The following SANBR variants were observed in gnomAD, a reference collection of about 807,000 sequenced individuals.
SANBR encodes the protein SANT and BTB domain regulator of class switch recombination.
SANBR carries 77 observed loss-of-function variants against 101.8 expected under a neutral mutation model. The observed-to-expected ratio is 0.76, with a 90% CI of 0.63 to 0.91. SANBR has a LOEUF of 0.91. Among genes scored for constraint, SANBR ranks in the 40% least tolerant of loss-of-function variants. The pLI is 0.00. For missense variants in SANBR, 875 were observed against 853.0 expected (o/e 1.03, Z -0.32); for synonymous variants, 279 against 274.7 (o/e 1.02, Z -0.15).
chr2:61,136,970 AAACAACAAC>A (rs141096218), intron 21 of SANBR, among the ~76,000 whole-genome samples: 3 of 151,408 alleles, frequency 2.0e-5, no homozygotes, highest in Admixed American at 6.6e-5. Context: ...ACTGTCTCCA[AAACAACAAC>A]AACAACAACA....
intron 17 of SANBR, among the ~76,000 whole-genome samples, chr2:61,116,856 C>G (rs1684099958): frequency 6.6e-6 from 1 of 151,952 alleles, no homozygotes; most frequent in Non-Finnish European, 1.5e-5. Flanking sequence ...AGTTTGAGAC[C>G]AGCCTGGGCA....
At chr2:61,119,347 A>G (rs950328132) in intron 20 of SANBR, among the ~76,000 whole-genome samples, 5 of 152,228 alleles carry the variant, frequency 3.3e-5, no homozygotes, top group Admixed American at 6.5e-5. Flanking sequence ...CTACAACACC[A>G]AAAGCATGAT....
chr2:61,111,692 G>A (rs1368827912), intron 16 of SANBR, among the ~76,000 whole-genome samples: 1 of 152,068 alleles, frequency 6.6e-6, no homozygotes, highest in South Asian at 2.1e-4. Flanking sequence ...AAGTTCCTTC[G>A]TCCCCCTTTG....
downstream of SANBR, among the ~76,000 whole-genome samples, chr2:61,125,354 G>C (rs1429050981): frequency 6.6e-6 from 1 of 152,186 alleles, no homozygotes; most frequent in Non-Finnish European, 1.5e-5. Context: ...GTGCGTATAT[G>C]TATTTAGTGC....
At chr2:61,079,748 C>A (rs1339525547) in intron 6 of SANBR, among the ~76,000 whole-genome samples, 1 of 151,554 alleles carries the variant, frequency 6.6e-6, no homozygotes, top group Non-Finnish European at 1.5e-5. Context: ...ATTAAAAATT[C>A]AAAAAAAATT....
At chr2:61,078,637 G>T (rs1235457496) in intron 6 of SANBR, among the ~76,000 whole-genome samples, 2 of 151,932 alleles carry the variant, frequency 1.3e-5, no homozygotes, top group African/African-American at 4.8e-5. Context: ...TGTCAGGCTG[G>T]TCTCGAACTC....
intron 4 of SANBR, among the ~76,000 whole-genome samples, chr2:61,072,353 C>G (rs1681517794): frequency 6.6e-6 from 1 of 152,116 alleles, no homozygotes; most frequent in South Asian, 2.1e-4. Flanking sequence ...GGAAGGATCA[C>G]TTGAGGCCAG....
At chr2:61,110,039 G>T (rs1449319902) in intron 16 of SANBR, among the ~76,000 whole-genome samples, 1 of 152,078 alleles carries the variant, frequency 6.6e-6, no homozygotes, top group Non-Finnish European at 1.5e-5. Context: ...AGGAAAATTG[G>T]TTCAAAGAGA....
At chr2:61,091,988 C>T (rs1682786250) in intron 10 of SANBR, among the ~76,000 whole-genome samples, 1 of 152,048 alleles carries the variant, frequency 6.6e-6, no homozygotes, top group South Asian at 2.1e-4. Context: ...ATATAAAGTA[C>T]TAATACATGA....
intron 16 of SANBR, among the ~76,000 whole-genome samples, chr2:61,109,986 C>G (rs1683752933): frequency 6.6e-6 from 1 of 151,918 alleles, no homozygotes; most frequent in African/African-American, 2.4e-5. Context: ...ATAAAATTAA[C>G]TTGTGTCAAA....
chr2:61,121,986 G>A (rs899740543), intron 21 of SANBR, 140 bp from the exon 22 acceptor site: 28 of 1,112,736 alleles, frequency 2.5e-5, no homozygotes, highest in Non-Finnish European at 3.4e-5. Flanking sequence ...CTCCTGTTAA[G>A]AGTTTTAGAA....
intron 7 of SANBR, 105 bp from the exon 8 acceptor site, chr2:61,083,049 C>T: frequency 1.1e-6 from 1 of 893,942 alleles, no homozygotes; most frequent in Non-Finnish European, 1.7e-6. Context: ...TAGTGCCTAG[C>T]AATATATGGA....
At chr2:61,071,229 AAAATACCTTCTC>A (rs1483040994) in intron 3 of SANBR, among the ~76,000 whole-genome samples, 1 of 152,202 alleles carries the variant, frequency 6.6e-6, no homozygotes, top group East Asian at 1.9e-4. Flanking sequence ...AGAAGGCAAG[AAAATACCTTCTC>A]AATTTTTTAT....
At chr2:61,105,658 G>A (rs973160418) in intron 13 of SANBR, among the ~76,000 whole-genome samples, 9 of 130,924 alleles carry the variant, frequency 6.9e-5, no homozygotes, top group East Asian at 2.4e-4. Context: ...GAGCCACTGC[G>A]CCTGGCCGCA....
At chr2:61,086,032 T>G (rs1682409413) in intron 8 of SANBR, among the ~76,000 whole-genome samples, 1 of 152,240 alleles carries the variant, frequency 6.6e-6, no homozygotes, top group South Asian at 2.1e-4. Context: ...TAGGAAGATT[T>G]AACCTTTTAA....
At chr2:61,125,557 A>G (rs1308761504), downstream of SANBR, among the ~76,000 whole-genome samples, 1 of 152,228 alleles carries the variant, frequency 6.6e-6, no homozygotes, top group Non-Finnish European at 1.5e-5. Context: ...AGAGGCTTCA[A>G]CTGAAGGACA....
intron 12 of SANBR, among the ~76,000 whole-genome samples, chr2:61,099,027 C>T (rs1035074277): frequency 1.3e-5 from 2 of 152,048 alleles, no homozygotes; most frequent in African/African-American, 4.8e-5. Flanking sequence ...CGTAGGAGTA[C>T]GTGAGGTGAA....
chr2:61,132,256 A>G (rs896504860), intron 20 of SANBR, among the ~76,000 whole-genome samples: 7 of 152,262 alleles, frequency 4.6e-5, no homozygotes, highest in African/African-American at 1.7e-4. Flanking sequence ...AAATGTTTAC[A>G]AAGTATGTAT....
At chr2:61,109,525 C>T (rs1263461643) in intron 16 of SANBR, among the ~76,000 whole-genome samples, 2 of 152,022 alleles carry the variant, frequency 1.3e-5, no homozygotes, top group African/African-American at 4.8e-5. Flanking sequence ...CAGGTTTTCA[C>T]TTCAGGTGCA....
Sources: gnomAD v4.1 joint callset for allele counts (sites outside exome capture counted in the v4.1 genomes callset) on GRCh38, gnomAD v4.1.1 for gene constraint, MANE v1.5 for transcripts, NCBI Gene and HGNC (gene_info 2026-07-23, HGNC 2026-07-21) for gene names.